CCDC15: variants seen among roughly 807,000 people sequenced by gnomAD.
CCDC15 encodes the protein coiled-coil domain-containing protein 15.
Under a neutral mutation model 114.5 loss-of-function variants are expected in CCDC15, and 105 were observed. The observed-to-expected ratio is 0.92, with a 90% CI of 0.78 to 1.08. The LOEUF is 1.08. CCDC15 is among the 50% of genes least tolerant of loss of function. The probability of loss-of-function intolerance (pLI) is 0.00; values close to 1 mark genes in which losing one functional copy is unlikely to be tolerated. For synonymous variants in CCDC15, 334 were observed against 377.8 expected, an observed-to-expected ratio of 0.88 and a Z score of 1.34; for missense variants, 1,105 against 1,093.6, an observed-to-expected ratio of 1.01 and a Z score of -0.15.
rs369689540 is a variant in CCDC15, at chr11:124,984,858, C to G, written c.754-1884C>G. Among the ~76,000 whole-genome samples the G allele has an allele frequency of 2.6e-5, 4 of 152,250 alleles. No homozygotes were observed. The East Asian group carries it at 5.8e-4, about 22-fold the overall frequency. On this transcript the variant is annotated intron_variant, in intron 6 of 15. Transcript: ENST00000344762. ...CCCTCTGTCCACTCTTAATGCCTTC[C>G]CTCCAGAGATCTGCTAAGAGTGTAC...
At chr11:124,971,269 C>T (rs1947876524) in intron 4 of CCDC15, among the ~76,000 whole-genome samples, 1 of 152,196 alleles carries the variant, frequency 6.6e-6, no homozygotes, top group Non-Finnish European at 1.5e-5. Context: ...ACCAAAACCC[C>T]ATCTGTAGGT....
chr11:124,955,052 A>G, intron 2 of CCDC15, 143 bp downstream of exon 2: 1 of 778,384 alleles, frequency 1.3e-6, no homozygotes, highest in Non-Finnish European at 2.0e-6. Flanking sequence ...TTGCATTAGG[A>G]TTATAGAACA....
rs547569723 is a variant in CCDC15 at position 124,977,570 on chromosome 11, T to G, written c.723T>G (p.Ala241=). 2.3e-5 allele frequency: 37 copies of G among 1,609,008 alleles called. No homozygotes were observed. The South Asian group carries it at 4.1e-4, about 18-fold the overall frequency. ...AGGTCCATCAAGGTCTTTTAGCTGC[T>G]GTACCTTACCAGAATTATATGGAAA... ...PIKVHQGLLA[A]VPYQNYMENQ... is the part of the protein sequence containing the mutation. Residue 241 remains alanine, a synonymous_variant, in exon 6 of 16, where the codon GCT becomes GCG. Coordinates refer to ENST00000344762, the MANE Select transcript of CCDC15 (RefSeq NM_025004.3).
At chr11:125,029,462 A>C (rs950783939) in intron 13 of CCDC15, among the ~76,000 whole-genome samples, 1 of 152,264 alleles carries the variant, frequency 6.6e-6, no homozygotes, top group African/African-American at 2.4e-5. Context: ...TAAAGTTAAC[A>C]ATACTTAAAT....
At chr11:124,964,263 C>T (rs1947726506) in intron 4 of CCDC15, among the ~76,000 whole-genome samples, 1 of 152,156 alleles carries the variant, frequency 6.6e-6, no homozygotes, top group South Asian at 2.1e-4. Context: ...ATTGATTCTT[C>T]CTGTCCATGA....
chr11:125,002,627 T>C (rs1948497387), intron 11 of CCDC15, among the ~76,000 whole-genome samples: 1 of 152,140 alleles, frequency 6.6e-6, no homozygotes, highest in Non-Finnish European at 1.5e-5. Context: ...ATAACCTGTG[T>C]CCCAGAATCA....
At chr11:125,006,907 A>G (rs897855360) in intron 13 of CCDC15, among the ~76,000 whole-genome samples, 1 of 152,054 alleles carries the variant, frequency 6.6e-6, no homozygotes, top group Non-Finnish European at 1.5e-5. Flanking sequence ...TTGCCATACC[A>G]CACTGTTTTG....
At chr11:125,022,759 A>G (rs1265822748) in intron 13 of CCDC15, among the ~76,000 whole-genome samples, 2 of 152,078 alleles carry the variant, frequency 1.3e-5, no homozygotes, top group South Asian at 4.1e-4. Flanking sequence ...CTGGCCTCAT[A>G]CTACTGTTCA....
Position 124,975,187 on chromosome 11 carries a change from G to A in CCDC15, c.608G>A (p.Arg203Lys). The change falls in exon 5 of 16, where the codon AGG becomes AAG. Residue 203 changes from arginine (R) to lysine (K), a missense_variant. Arg to Lys is a conservative substitution (Grantham distance 26). Coordinates refer to ENST00000344762, the MANE Select transcript of CCDC15 (RefSeq NM_025004.3). ...KKGSVFPDDGRKSFLTREEVL... is the reference protein window; with the variant it reads ...KKGSVFPDDGKKSFLTREEVL... The stretch of plus-strand genomic sequence containing the variant: ...GGATCAGTGTTTCCAGATGATGGAA[G>A]GAAAAGCTTTCTTACCAGAGAGGTA... 2 of 1,586,442 alleles carry A rather than the reference G, an allele frequency of 1.3e-6. No individual in the cohort carries two copies. Among genetic ancestry groups the A allele is most frequent in the Admixed American group, 1.8e-5 (1 of 54,938 alleles).
At chr11:124,992,775 A>T (rs1047780598) in intron 10 of CCDC15, 88 bp downstream of exon 10, 1 of 723,702 alleles carries the variant, frequency 1.4e-6, no homozygotes, top group African/African-American at 1.8e-5. Context: ...AAGCCTGTCA[A>T]GCTAGCTTGT....
At position 124,971,864 on chromosome 11, in the gene CCDC15, T is replaced by G. The variant is rs1010439672; in HGVS notation, c.517-3232T>G. Among the ~76,000 whole-genome samples the G allele has an allele frequency of 2.0e-5, 3 of 152,256 alleles. No homozygotes were observed. In the Middle Eastern group the frequency reaches 0.01, roughly 518 times the overall value. On this transcript the variant is annotated intron_variant, in intron 4 of 15. Transcript: ENST00000344762. ...ATACTCCTTCTTAATTAAAAAAAAT[T>G]TAGGCATTTTTTATTGATTTACCAC... is the stretch of plus-strand genomic sequence containing the variant.
Position 125,009,463 on chromosome 11 carries a change from A to G in CCDC15, c.2411+4251A>G, listed in dbSNP as rs78737107. 2.0e-3 allele frequency among the ~76,000 whole-genome samples: 305 copies of G among 152,302 alleles called. 2 individuals are homozygous for G. The East Asian group carries it at 0.034, about 17-fold the overall frequency. On this transcript the variant is annotated intron_variant, in intron 13 of 15. Transcript: ENST00000344762. ...TGCTAGAAATGTGTTCAAATAGCATAATGAATAGTCTTTGGGGTCTTTTTG... is the reference window on the plus strand; with the variant it reads ...TGCTAGAAATGTGTTCAAATAGCATGATGAATAGTCTTTGGGGTCTTTTTG...
chr11:124,990,229 A>G (rs577172931), intron 8 of CCDC15, among the ~76,000 whole-genome samples: 1 of 152,214 alleles, frequency 6.6e-6, no homozygotes, highest in Non-Finnish European at 1.5e-5. Flanking sequence ...GCCAGGTGGT[A>G]GAACAGTGAG....
intron 13 of CCDC15, among the ~76,000 whole-genome samples, chr11:125,017,562 G>A (rs1948636391): frequency 6.6e-6 from 1 of 152,052 alleles, no homozygotes; most frequent in Admixed American, 6.6e-5. Flanking sequence ...AATGCATAAT[G>A]GCTGATGACG....
chr11:124,991,672 G>T, intron 9 of CCDC15, 89 bp downstream of exon 9: 1 of 1,228,546 alleles, frequency 8.1e-7, no homozygotes, highest in Non-Finnish European at 1.1e-6. Flanking sequence ...AGGGATTTTG[G>T]AGCTAACCTA....
chr11:125,022,984 A>G (rs1237360505), intron 13 of CCDC15, among the ~76,000 whole-genome samples: 1 of 151,976 alleles, frequency 6.6e-6, no homozygotes, highest in Non-Finnish European at 1.5e-5. Context: ...TTGATATACA[A>G]TAAACTGTAC....
intron 13 of CCDC15, among the ~76,000 whole-genome samples, chr11:125,011,136 C>G (rs1948588747): frequency 6.6e-6 from 1 of 151,660 alleles, no homozygotes; most frequent in East Asian, 1.9e-4. Flanking sequence ...AAAAATAAAC[C>G]TTTTAATTAG....
At chr11:124,968,528 C>T (rs187611892) in intron 4 of CCDC15, among the ~76,000 whole-genome samples, 52 of 152,192 alleles carry the variant, frequency 3.4e-4, no homozygotes, top group Non-Finnish European at 4.9e-4. Flanking sequence ...AGTATTAGGG[C>T]GGGAGTGTCC....
chr11:124,987,143 A>G lies in CCDC15; in HGVS notation c.917A>G (p.Asn306Ser). Residue 306 changes from asparagine to serine, a missense_variant, in exon 8 of 16, where the codon AAT becomes AGT. Asn to Ser is a conservative substitution (Grantham distance 46). Coordinates refer to ENST00000344762, the MANE Select transcript of CCDC15 (RefSeq NM_025004.3). ...CACTTTTAGAAAGTAAAATTCAAAA[A>G]TCCATTATTTGTTCTGATGGAAGAG... ...FSRVQKVKFKNPLFVLMEEEE... is the reference protein window; with the variant it reads ...FSRVQKVKFKSPLFVLMEEEE... The G allele has an allele frequency of 6.6e-7, 1 of 1,508,874 alleles. No individual in the cohort carries two copies. The allele number at this position is 1,508,874 out of a possible 1,614,324, so 93.5% of individuals were successfully genotyped here.
Sources: gnomAD v4.1 joint callset for allele counts (sites outside exome capture counted in the v4.1 genomes callset) on GRCh38, gnomAD v4.1.1 for gene constraint, MANE v1.5 for transcripts, NCBI Gene and HGNC (gene_info 2026-07-23, HGNC 2026-07-21) for gene names.